ROBO2: variants seen among roughly 807,000 people sequenced by gnomAD.
ROBO2 encodes roundabout homolog 2.
ROBO2 carries 53 observed loss-of-function variants against 160.8 expected under a neutral mutation model. The ratio of observed to expected loss-of-function variants is 0.33; its 90% CI spans 0.26 to 0.41. The LOEUF is 0.41. ROBO2 is among the 10% of genes least tolerant of loss of function. ROBO2 has a pLI of 1.00. For missense variants in ROBO2, 1,577 were observed against 1,722.4 expected (o/e 0.92, Z 1.49); for synonymous variants, 664 against 611.7 (o/e 1.09, Z -1.26).
chr3:76,367,583 T>A (rs1161751300), intron 2 of ROBO2, among the ~76,000 whole-genome samples: 1 of 151,986 alleles, frequency 6.6e-6, no homozygotes, highest in Non-Finnish European at 1.5e-5. Flanking sequence ...TAAAACAATT[T>A]GTTATTATAG....
At chr3:76,693,451 T>TAC (rs1346952605) in intron 2 of ROBO2, among the ~76,000 whole-genome samples, 1 of 143,920 alleles carries the variant, frequency 6.9e-6, no homozygotes, top group African/African-American at 2.7e-5. Context: ...TATATGTGTA[T>TAC]ATATATACAC....
chr3:77,522,147 T>C (rs1328217060), intron 5 of ROBO2, among the ~76,000 whole-genome samples: 1 of 151,260 alleles, frequency 6.6e-6, no homozygotes, highest in African/African-American at 2.4e-5. Context: ...TTTTTTAGTC[T>C]GTTTCATTAA....
intron 4 of ROBO2, among the ~76,000 whole-genome samples, chr3:77,488,843 T>C (rs914306069): frequency 1.3e-5 from 2 of 152,240 alleles, no homozygotes; most frequent in African/African-American, 2.4e-5. Flanking sequence ...TTCATATTTA[T>C]GTTTCTGATT....
At chr3:77,041,178 G>A (rs975322091) in intron 1 of ROBO2, among the ~76,000 whole-genome samples, 2 of 152,172 alleles carry the variant, frequency 1.3e-5, no homozygotes, top group African/African-American at 4.8e-5. Context: ...TAATACTATT[G>A]TGCCTGCTCT....
intron 2 of ROBO2, among the ~76,000 whole-genome samples, chr3:76,508,456 A>C (rs2080907814): frequency 6.6e-6 from 1 of 152,118 alleles, no homozygotes; most frequent in Non-Finnish European, 1.5e-5. Flanking sequence ...GGACCTACTC[A>C]ATCTATTTTC....
chr3:76,820,130 C>A (rs2065990972), intron 2 of ROBO2, among the ~76,000 whole-genome samples: 1 of 152,042 alleles, frequency 6.6e-6, no homozygotes, highest in Non-Finnish European at 1.5e-5. Flanking sequence ...CGATTTGTTT[C>A]ATGTACACAT....
chr3:76,120,476 C>T (rs1184006763), intron 2 of ROBO2, among the ~76,000 whole-genome samples: 1 of 152,190 alleles, frequency 6.6e-6, no homozygotes, highest in Non-Finnish European at 1.5e-5. Context: ...AACTGAGTTA[C>T]TTCTGTTGGT....
chr3:76,743,478 T>C (rs1420518695), intron 2 of ROBO2, among the ~76,000 whole-genome samples: 2 of 152,076 alleles, frequency 1.3e-5, no homozygotes, highest in African/African-American at 4.8e-5. Flanking sequence ...AAGAGTACTG[T>C]TACTCATAGA....
At chr3:77,064,533 G>A (rs934897057) in intron 1 of ROBO2, among the ~76,000 whole-genome samples, 4 of 151,876 alleles carry the variant, frequency 2.6e-5, no homozygotes, top group African/African-American at 7.3e-5. Context: ...GCTAACTTTT[G>A]TATTTTTAGC....
At chr3:77,226,283 G>A (rs2086487473) in intron 2 of ROBO2, among the ~76,000 whole-genome samples, 1 of 151,564 alleles carries the variant, frequency 6.6e-6, no homozygotes, top group African/African-American at 2.4e-5. Flanking sequence ...CGTTGTACGT[G>A]AATATTTATG....
At chr3:75,988,563 G>A (rs189643383) in intron 2 of ROBO2, among the ~76,000 whole-genome samples, 7 of 152,084 alleles carry the variant, frequency 4.6e-5, no homozygotes, top group Admixed American at 1.3e-4. Flanking sequence ...AGTTCCGTAA[G>A]TTGTACAAAT....
At chr3:76,360,987 A>G (rs2075483893) in intron 2 of ROBO2, among the ~76,000 whole-genome samples, 1 of 152,086 alleles carries the variant, frequency 6.6e-6, no homozygotes. Context: ...TAGGAGAAAA[A>G]AAAAATCCTG....
At chr3:77,603,832 G>A (rs2094476147) in intron 20 of ROBO2, 1 of 152,128 alleles carries the variant, frequency 6.6e-6, no homozygotes, top group Admixed American at 6.5e-5. Flanking sequence ...CATATACATT[G>A]TATGGCTGAT....
At chr3:76,219,049 A>G (rs1390032530) in intron 2 of ROBO2, among the ~76,000 whole-genome samples, 1 of 152,226 alleles carries the variant, frequency 6.6e-6, no homozygotes, top group African/African-American at 2.4e-5. Flanking sequence ...CTTGAGAAAA[A>G]CAAGCAATGG....
chr3:77,124,982 A>C (rs1180736568), intron 2 of ROBO2, among the ~76,000 whole-genome samples: 1 of 151,380 alleles, frequency 6.6e-6, no homozygotes, highest in Admixed American at 6.6e-5. Flanking sequence ...TTTACTCATT[A>C]TAAATACTTA....
chr3:77,007,733 A>C (rs1339162007), intron 2 of ROBO2, among the ~76,000 whole-genome samples: 1 of 152,134 alleles, frequency 6.6e-6, no homozygotes, highest in Non-Finnish European at 1.5e-5. Context: ...AAGAATCCTG[A>C]AGTATCTCTG....
At chr3:76,573,921 T>C (rs1223871066) in intron 2 of ROBO2, among the ~76,000 whole-genome samples, 2 of 152,114 alleles carry the variant, frequency 1.3e-5, no homozygotes, top group Non-Finnish European at 2.9e-5. Flanking sequence ...GCTTTCTCCT[T>C]CAGGAAGTCT....
At chr3:77,080,523 G>A (rs1189279998) in intron 1 of ROBO2, among the ~76,000 whole-genome samples, 1 of 152,138 alleles carries the variant, frequency 6.6e-6, no homozygotes, top group East Asian at 1.9e-4. Context: ...GTCCATCTGC[G>A]AAGGTCTGAA....
At chr3:75,941,592 C>A (rs78301347) in intron 2 of ROBO2, among the ~76,000 whole-genome samples, 1 of 152,044 alleles carries the variant, frequency 6.6e-6, no homozygotes, top group Non-Finnish European at 1.5e-5. Context: ...TTTGAAGAAG[C>A]CAGTGGCGCT....
Sources: gnomAD v4.1 joint callset for allele counts (sites outside exome capture counted in the v4.1 genomes callset) on GRCh38, gnomAD v4.1.1 for gene constraint, MANE v1.5 for transcripts, NCBI Gene and HGNC (gene_info 2026-07-23, HGNC 2026-07-21) for gene names.